NRG1: variants seen among roughly 807,000 people sequenced by gnomAD.
The protein encoded by NRG1 is pro-neuregulin-1, membrane-bound isoform.
Under a neutral mutation model 63.8 loss-of-function variants are expected in NRG1, and 18 were observed. That is an observed-to-expected ratio of 0.28 (90% CI 0.19 to 0.42). The LOEUF is 0.42. Among genes scored for constraint, NRG1 ranks in the 10% least tolerant of loss-of-function variants. NRG1 has a pLI of 1.00. For synonymous variants in NRG1, 302 were observed against 301.3 expected (o/e 1.00, Z -0.02); for missense variants, 762 against 814.7 (o/e 0.94, Z 0.79).
At chr8:31,662,939 A>AT (rs1022684430) in intron 1 of NRG1, among the ~76,000 whole-genome samples, 3 of 152,042 alleles carry the variant, frequency 2.0e-5, no homozygotes, top group Admixed American at 6.6e-5. Context: ...CCAGACTGTC[A>AT]TTTTTTGGGG....
chr8:32,487,538 T>C (rs1826054407), intron 1 of NRG1, among the ~76,000 whole-genome samples: 1 of 152,192 alleles, frequency 6.6e-6, no homozygotes, highest in Non-Finnish European at 1.5e-5. Flanking sequence ...CAAGTATCTT[T>C]GTACTCTGCC....
chr8:32,649,981 G>A (rs961577961), intron 5 of NRG1, among the ~76,000 whole-genome samples: 19 of 152,232 alleles, frequency 1.2e-4, no homozygotes, highest in African/African-American at 4.1e-4. Flanking sequence ...GTCTTTAATT[G>A]AAATCTGCTT....
At chr8:32,575,929 T>C (rs1839540097) in intron 1 of NRG1, among the ~76,000 whole-genome samples, 1 of 152,220 alleles carries the variant, frequency 6.6e-6, no homozygotes, top group African/African-American at 2.4e-5. Flanking sequence ...GCAACCTTCA[T>C]AGGAATTCTC....
At chr8:32,400,710 G>A (rs974548899) in intron 1 of NRG1, among the ~76,000 whole-genome samples, 1 of 152,184 alleles carries the variant, frequency 6.6e-6, no homozygotes, top group South Asian at 2.1e-4. Flanking sequence ...CAGTTCAGCC[G>A]TTCTGGAAAG....
intron 5 of NRG1, among the ~76,000 whole-genome samples, chr8:32,654,760 C>A (rs933583994): frequency 7.8e-6 from 1 of 129,014 alleles, no homozygotes; most frequent in African/African-American, 2.8e-5. Flanking sequence ...AACTGAAATG[C>A]GTTACATACT....
At chr8:32,622,308 GTGC>G (rs1372818533) in intron 5 of NRG1, among the ~76,000 whole-genome samples, 1 of 152,084 alleles carries the variant, frequency 6.6e-6, no homozygotes, top group Non-Finnish European at 1.5e-5. Flanking sequence ...ATAAATTCTG[GTGC>G]TGCTAATTAC....
At chr8:32,673,123 C>T (rs1377777117) in intron 5 of NRG1, among the ~76,000 whole-genome samples, 1 of 152,172 alleles carries the variant, frequency 6.6e-6, no homozygotes, top group Non-Finnish European at 1.5e-5. Context: ...TGTCACACCA[C>T]AAAGCGAGTT....
intron 1 of NRG1, among the ~76,000 whole-genome samples, chr8:32,070,010 A>C (rs1271528069): frequency 6.6e-6 from 1 of 152,198 alleles, no homozygotes; most frequent in Non-Finnish European, 1.5e-5. Context: ...AGTTTAAAGG[A>C]TAGCCCTGTG....
At chr8:32,267,708 A>G (rs1375865797) in intron 1 of NRG1, among the ~76,000 whole-genome samples, 2 of 152,058 alleles carry the variant, frequency 1.3e-5, no homozygotes, top group African/African-American at 4.8e-5. Flanking sequence ...TTTTTTATTT[A>G]TTGGTAATTC....
chr8:32,262,404 T>TGAAAGCAA (rs774463491), intron 1 of NRG1, among the ~76,000 whole-genome samples: 9 of 152,166 alleles, frequency 5.9e-5, no homozygotes, highest in Non-Finnish European at 1.3e-4. Context: ...GCTGGAGGTG[T>TGAAAGCAA]GAAAGCAAGA....
intron 1 of NRG1, chr8:32,061,674 T>A (rs776761379): frequency 1.3e-5 from 2 of 152,002 alleles, no homozygotes; most frequent in African/African-American, 2.4e-5. Flanking sequence ...TTTTTTCTCT[T>A]GTCACAACTA....
intron 1 of NRG1, among the ~76,000 whole-genome samples, chr8:31,819,263 G>T (rs1226269212): frequency 6.8e-6 from 1 of 146,028 alleles, no homozygotes; most frequent in African/African-American, 2.5e-5. Context: ...AATTCGGAAA[G>T]AATTATTTGG....
chr8:32,127,478 A>G (rs1834236180), intron 1 of NRG1, among the ~76,000 whole-genome samples: 1 of 150,918 alleles, frequency 6.6e-6, no homozygotes, highest in African/African-American at 2.4e-5. Flanking sequence ...GTTGGTCCTT[A>G]ATCCATTTTT....
intron 1 of NRG1, among the ~76,000 whole-genome samples, chr8:32,292,976 C>T (rs1319004648): frequency 1.1e-4 from 17 of 152,074 alleles, no homozygotes; most frequent in Non-Finnish European, 1.8e-4. Flanking sequence ...TGGTGGCACA[C>T]GCCTTTAATC....
intron 1 of NRG1, among the ~76,000 whole-genome samples, chr8:32,498,623 T>G (rs1265251135): frequency 6.6e-6 from 1 of 152,192 alleles, no homozygotes; most frequent in Non-Finnish European, 1.5e-5. Flanking sequence ...GTCCCTTCCA[T>G]GACACATGGG....
chr8:31,722,948 G>A (rs921898054), intron 1 of NRG1, among the ~76,000 whole-genome samples: 5 of 152,124 alleles, frequency 3.3e-5, no homozygotes, highest in Non-Finnish European at 5.9e-5. Flanking sequence ...TAAAGTCATA[G>A]TGTTGAAAAA....
chr8:32,728,207 G>A (rs1822741356), intron 6 of NRG1, 129 bp downstream of exon 6: 2 of 1,493,588 alleles, frequency 1.3e-6, no homozygotes, highest in Non-Finnish European at 1.8e-6. Flanking sequence ...TGTTTTATAT[G>A]TAGAGTGTTT....
intron 1 of NRG1, among the ~76,000 whole-genome samples, chr8:32,406,921 T>TAAAG (rs1814070442): frequency 6.6e-6 from 1 of 152,036 alleles, no homozygotes; most frequent in Non-Finnish European, 1.5e-5. Context: ...AATTCTATAA[T>TAAAG]AAAGAGAAGT....
chr8:32,673,450 C>A (rs1411746585), intron 5 of NRG1, among the ~76,000 whole-genome samples: 1 of 152,280 alleles, frequency 6.6e-6, no homozygotes, highest in East Asian at 1.9e-4. Context: ...ACAGTCATAA[C>A]AAATACAGTA....
Sources: allele counts gnomAD v4.1 joint callset (sites outside exome capture counted in the v4.1 genomes callset), GRCh38; gene constraint gnomAD v4.1.1; transcripts MANE v1.5; gene names NCBI Gene and HGNC (gene_info 2026-07-23, HGNC 2026-07-21).